Variants in STYXL2 observed in about 807,000 individuals in gnomAD.
STYXL2 encodes the protein serine/threonine/tyrosine-interacting-like protein 2.
Under a neutral mutation model 52.4 loss-of-function variants are expected in STYXL2, and 44 were observed. The ratio of observed to expected loss-of-function variants is 0.84; its 90% CI spans 0.66 to 1.08. The LOEUF (loss-of-function observed/expected upper bound fraction) is 1.08, where lower values mean the gene tolerates loss of function less well. STYXL2 is among the 50% of genes least tolerant of loss of function. The probability of loss-of-function intolerance (pLI) is 0.00; values close to 1 mark genes in which losing one functional copy is unlikely to be tolerated. For synonymous variants in STYXL2, 604 were observed against 586.9 expected, an observed-to-expected ratio of 1.03 and a Z score of -0.42; for missense variants, 1,604 against 1,471.7, an observed-to-expected ratio of 1.09 and a Z score of -1.47.
chr1:167,105,818 C>T (rs182721561), intron 2 of STYXL2, among the ~76,000 whole-genome samples: 2 of 152,156 alleles, frequency 1.3e-5, no homozygotes, highest in African/African-American at 2.4e-5. Context: ...CTGGGTAATA[C>T]GGAGCAGAGT....
chr1:167,113,761 T>G lies in STYXL2; in HGVS notation c.162T>G (p.Ile54Met). 1 of 1,614,100 alleles carries G rather than the reference T, an allele frequency of 6.2e-7. No individual in the cohort carries two copies. Among genetic ancestry groups the G allele is most frequent in the South Asian group, 1.1e-5 (1 of 91,078 alleles). The change falls in exon 3 of 6, where the codon ATT becomes ATG. Residue 54 changes from isoleucine to methionine, a missense_variant. By Grantham distance (10) the Ile-to-Met change is conservative (BLOSUM62 1). Coordinates refer to ENST00000361200, the MANE Select transcript of STYXL2 (RefSeq NM_001080426.3). ...AETESIFMEP[I>M]HLSSAIAAKQ... ...CAGAAAGCATTTTCATGGAACCCAT[T>G]CACCTCTCCTCAGCCATTGCAGCCA...
rs747372678 is a variant in STYXL2 at position 167,127,478 on chromosome 1, C to G, written c.2347C>G (p.Leu783Val). 8 of 1,614,108 alleles carry G rather than the reference C, an allele frequency of 5.0e-6. No individual in the cohort carries two copies. In the South Asian group the frequency reaches 7.7e-5, roughly 16 times the overall value. ...GHSSSSLGGC[L>V]LPQSQARPSS... is the part of the protein sequence containing the mutation. Reference sequence around the variant, plus strand: ...CAGCAGCTCCTCCTTGGGTGGCTGCCTGTTGCCTCAGAGCCAGGCAAGACC... The same window carrying G: ...CAGCAGCTCCTCCTTGGGTGGCTGCGTGTTGCCTCAGAGCCAGGCAAGACC... Residue 783 changes from leucine (L) to valine (V), a missense_variant, in exon 6 of 6, where the codon CTG becomes GTG. By Grantham distance (32) the Leu-to-Val change is conservative (BLOSUM62 1). Coordinates refer to ENST00000361200, the MANE Select transcript of STYXL2 (RefSeq NM_001080426.3).
intron 2 of STYXL2, among the ~76,000 whole-genome samples, chr1:167,104,769 C>G (rs1667477055): frequency 6.6e-6 from 1 of 152,194 alleles, no homozygotes; most frequent in African/African-American, 2.4e-5. Context: ...GAAACCTTGT[C>G]CTTTTTTGCA....
chr1:167,101,668 G>T (rs146175736), intron 2 of STYXL2, among the ~76,000 whole-genome samples: 1 of 152,112 alleles, frequency 6.6e-6, no homozygotes, highest in Admixed American at 6.5e-5. Context: ...GCTGGGTGTG[G>T]TGGTGGGCAC....
In STYXL2 at chr1:167,126,803, A is replaced by C; in HGVS notation, c.1672A>C (p.Lys558Gln). 1 of 1,614,230 alleles carries C rather than the reference A, an allele frequency of 6.2e-7. No homozygotes were observed. The highest frequency in any genetic ancestry group is 8.5e-7 in the Non-Finnish European group (1 of 1,180,040). The change falls in exon 6 of 6, where the codon AAG (lysine) becomes CAG (glutamine). Residue 558 changes from lysine (K) to glutamine (Q), a missense_variant. Transcript: ENST00000361200. ...CAAGAGAATCCAATTTGGATTTCAC[A>C]AGAAAGACTTGGGAGCGGGAGACAG... The part of the protein sequence containing the change: ...KIKRIQFGFH[K>Q]KDLGAGDSSG...
chr1:167,095,789 C>T (rs899953494), intron 2 of STYXL2, among the ~76,000 whole-genome samples: 6 of 152,070 alleles, frequency 3.9e-5, no homozygotes, highest in Non-Finnish European at 5.9e-5. Flanking sequence ...TAGTTGGAAG[C>T]GCCTAACTAA....
chr1:167,122,345 T>G (rs1301675519), intron 5 of STYXL2, among the ~76,000 whole-genome samples: 1 of 152,130 alleles, frequency 6.6e-6, no homozygotes, highest in Non-Finnish European at 1.5e-5. Flanking sequence ...CTACTTCAGA[T>G]AGCAAATGGC....
At position 167,126,391 on chromosome 1, in the gene STYXL2, G is replaced by C. The variant is rs373269072; in HGVS notation, c.1260G>C (p.Glu420Asp). ...RWGREEEKEE[E>D]SDAGSSVGRR... ...GAAGGGAGGAGGAGAAGGAGGAGGA[G>C]AGCGACGCTGGCTCCTCGGTGGGGA... The change falls in exon 6 of 6, where the codon GAG becomes GAC. Residue 420 changes from glutamate to aspartate, a missense_variant. Coordinates refer to ENST00000361200, the MANE Select transcript of STYXL2 (RefSeq NM_001080426.3). 77 of 1,554,604 alleles carry C rather than the reference G, an allele frequency of 5.0e-5. No homozygotes were observed. The highest frequency in any genetic ancestry group is 6.6e-5 in the Non-Finnish European group (76 of 1,149,148).
Position 167,128,037 on chromosome 1 carries a change from G to A in STYXL2, c.2906G>A (p.Arg969Lys), listed in dbSNP as rs1558029027. The change falls in exon 6 of 6, where the codon AGG (arginine) becomes AAG (lysine). Residue 969 changes from arginine to lysine, a missense_variant. Coordinates refer to ENST00000361200, the MANE Select transcript of STYXL2 (RefSeq NM_001080426.3). ...AAGTACACCAGATCGTCCCTGCTCAGGGAGACAGAGTCTAAATCCTCCAGT... is the reference window on the plus strand; with the variant it reads ...AAGTACACCAGATCGTCCCTGCTCAAGGAGACAGAGTCTAAATCCTCCAGT... ...RGKYTRSSLL[R>K]ETESKSSSYK... 4 of 1,614,082 alleles carry A rather than the reference G, an allele frequency of 2.5e-6. No homozygotes were observed. The highest frequency in any genetic ancestry group is 3.4e-6 in the Non-Finnish European group (4 of 1,180,038).
intron 2 of STYXL2, among the ~76,000 whole-genome samples, chr1:167,105,440 T>G (rs911752645): frequency 6.6e-6 from 1 of 152,198 alleles, no homozygotes; most frequent in African/African-American, 2.4e-5. Flanking sequence ...TGCCTGTCTT[T>G]CTTGAACAGC....
intron 2 of STYXL2, among the ~76,000 whole-genome samples, chr1:167,111,513 T>TATAC (rs1211215448): frequency 4.6e-4 from 23 of 50,108 alleles, no homozygotes; most frequent in South Asian, 2.9e-3. Flanking sequence ...TATATATATA[T>TATAC]ACACACACAC....
chr1:167,126,069 C>A lies in STYXL2; in HGVS notation c.938C>A (p.Thr313Lys). The change falls in exon 6 of 6, where the codon ACG (threonine) becomes AAG (lysine). Residue 313 changes from threonine (T) to lysine (K), a missense_variant. Coordinates refer to ENST00000361200, the MANE Select transcript of STYXL2 (RefSeq NM_001080426.3). Reference sequence around the variant, plus strand: ...CTCGGGGCCAGAGTGCACGCCCTGACGGTGGAAGAGGAGGACGACAGCGCC... The same window carrying A: ...CTCGGGGCCAGAGTGCACGCCCTGAAGGTGGAAGAGGAGGACGACAGCGCC... ...SMLGARVHAL[T>K]VEEEDDSASH... The A allele has an allele frequency of 6.5e-7, 1 of 1,546,760 alleles. No homozygotes were observed. The highest frequency in any genetic ancestry group is 8.7e-7 in the Non-Finnish European group (1 of 1,148,090).
rs1383117638 is a variant in STYXL2, at chr1:167,098,330, G to A, written c.110+3371G>A. Reference sequence around the variant, plus strand: ...GGCCCAAACTTTTTTTAAGAAATTAGCCAGGCAAGGTTTCACATGCCTGTA... The same window carrying A: ...GGCCCAAACTTTTTTTAAGAAATTAACCAGGCAAGGTTTCACATGCCTGTA... On this transcript the variant is annotated intron_variant, in intron 2 of 5. Coordinates refer to ENST00000361200, the MANE Select transcript of STYXL2 (RefSeq NM_001080426.3). 2.6e-5 allele frequency among the ~76,000 whole-genome samples: 4 copies of A among 151,850 alleles called. No individual in the cohort carries two copies. In the East Asian group the frequency reaches 5.8e-4, roughly 22 times the overall value.
At chr1:167,114,812 T>C (rs888383926) in intron 3 of STYXL2, among the ~76,000 whole-genome samples, 1 of 152,188 alleles carries the variant, frequency 6.6e-6, no homozygotes, top group African/African-American at 2.4e-5. Flanking sequence ...CTCCAAGATA[T>C]CTTGTCCCAA....
chr1:167,104,908 G>A (rs536413314), intron 2 of STYXL2, among the ~76,000 whole-genome samples: 3 of 152,256 alleles, frequency 2.0e-5, no homozygotes, highest in South Asian at 4.1e-4. Flanking sequence ...ACTACATTCC[G>A]TGTCTGGACA....
At chr1:167,102,935 A>AAAT in intron 2 of STYXL2, among the ~76,000 whole-genome samples, 1 of 105,920 alleles carries the variant, frequency 9.4e-6, no homozygotes. Context: ...GCAAATTACT[A>AAAT]CAAACTAGGC....
chr1:167,114,146 G>T (rs1181696598), intron 3 of STYXL2, among the ~76,000 whole-genome samples: 1 of 152,134 alleles, frequency 6.6e-6, no homozygotes, highest in Admixed American at 6.5e-5. Context: ...CATCCAGAGG[G>T]TTCTCTTCCA....
At chr1:167,104,175 C>T (rs905930156) in intron 2 of STYXL2, among the ~76,000 whole-genome samples, 7 of 151,292 alleles carry the variant, frequency 4.6e-5, no homozygotes, top group African/African-American at 1.7e-4. Context: ...CGTCCCCCCA[C>T]CCCCCGTCTC....
At chr1:167,124,180 G>A (rs1667915563) in intron 5 of STYXL2, among the ~76,000 whole-genome samples, 1 of 152,162 alleles carries the variant, frequency 6.6e-6, no homozygotes, top group African/African-American at 2.4e-5. Flanking sequence ...AAAGTGCTGG[G>A]ATTACAGGTA....
Sources: allele counts gnomAD v4.1 joint callset (sites outside exome capture counted in the v4.1 genomes callset), GRCh38; gene constraint gnomAD v4.1.1; transcripts MANE v1.5; gene names NCBI Gene and HGNC (gene_info 2026-07-23, HGNC 2026-07-21).